SNAP91: variants seen among roughly 807,000 people sequenced by gnomAD.
SNAP91 encodes synaptosome associated protein 91.
Under a neutral mutation model 100.3 loss-of-function variants are expected in SNAP91, and 27 were observed. The ratio of observed to expected loss-of-function variants is 0.27; its 90% CI spans 0.20 to 0.37. SNAP91 has a LOEUF of 0.37. Ranked by LOEUF, SNAP91 falls within the 10% of genes least tolerant of loss-of-function variation. SNAP91 has a pLI of 1.00. For synonymous variants in SNAP91, 404 were observed against 398.6 expected (o/e 1.01, Z -0.16); for missense variants, 986 against 1,123.7 (o/e 0.88, Z 1.75).
chr6:83,580,391 C>T (rs1487465658), intron 24 of SNAP91, 59 bp downstream of exon 24: 1 of 1,499,008 alleles, frequency 6.7e-7, no homozygotes, highest in Non-Finnish European at 9.0e-7. Flanking sequence ...GAGAGAGAAA[C>T]AAAAAACAAT....
Position 83,553,062 on chromosome 6 carries a change from C to T in SNAP91, c.*1234G>A, listed in dbSNP as rs548783584. On this transcript the variant is annotated 3_prime_UTR_variant, in exon 30 of 30. Coordinates refer to ENST00000369694, the MANE Select transcript of SNAP91 (RefSeq NM_001242792.2). The stretch of plus-strand genomic sequence containing the variant: ...ACAACCACTTTTAAATGGTACCATA[C>T]ATCTATTAAATAATTTGAAAAATAG... 1 of 152,536 alleles carries T rather than the reference C, an allele frequency of 6.6e-6. No homozygotes were observed. The allele number at this position is 152,536 out of a possible 1,614,324, so 9.4% of individuals were successfully genotyped here. A position where few individuals can be genotyped will look rare whatever the true frequency, so the allele number is the denominator to read the frequency against.
At chr6:83,568,172 A>C (rs1281553067) in intron 26 of SNAP91, among the ~76,000 whole-genome samples, 3 of 152,242 alleles carry the variant, frequency 2.0e-5, no homozygotes, top group Admixed American at 1.3e-4. Context: ...GCCATAAAAA[A>C]GGATGAGTTC....
intron 10 of SNAP91, among the ~76,000 whole-genome samples, chr6:83,615,521 G>A (rs961923546): frequency 7.9e-5 from 12 of 152,032 alleles, no homozygotes; most frequent in Admixed American, 3.3e-4. Context: ...ACTGAACTAG[G>A]GCATCTCTTA....
At chr6:83,685,604 C>G (rs2099049680) in intron 2 of SNAP91, among the ~76,000 whole-genome samples, 1 of 152,170 alleles carries the variant, frequency 6.6e-6, no homozygotes. Flanking sequence ...TGACACCATA[C>G]TAAGTGGTAT....
intron 8 of SNAP91, among the ~76,000 whole-genome samples, chr6:83,631,271 T>A (rs567054255): frequency 1.3e-5 from 2 of 152,162 alleles, no homozygotes; most frequent in African/African-American, 2.4e-5. Flanking sequence ...ATATGGTCTA[T>A]CTTGAAGAAA....
At chr6:83,634,370 G>A (rs188875939) in intron 8 of SNAP91, among the ~76,000 whole-genome samples, 2 of 147,878 alleles carry the variant, frequency 1.4e-5, no homozygotes, top group Non-Finnish European at 2.9e-5. Flanking sequence ...CCCAGTGCGG[G>A]GTGTGTGTTC....
intron 24 of SNAP91, among the ~76,000 whole-genome samples, chr6:83,579,082 C>A (rs570209553): frequency 6.6e-6 from 1 of 152,106 alleles, no homozygotes; most frequent in Non-Finnish European, 1.5e-5. Context: ...TATTCTATAC[C>A]TTTGGTCTCT....
chr6:83,632,795 C>T (rs1031541337), intron 8 of SNAP91, among the ~76,000 whole-genome samples: 2 of 152,158 alleles, frequency 1.3e-5, no homozygotes, highest in Non-Finnish European at 2.9e-5. Context: ...CTTCTTGTAT[C>T]ATTTTTTGGA....
chr6:83,709,016 C>A lies in SNAP91; in HGVS notation c.-202G>T, dbSNP rs532851245. 0.01 allele frequency: 1,597 copies of A among 152,978 alleles called. 15 individuals carry two copies. The highest frequency in any genetic ancestry group is 0.016 in the Non-Finnish European group (1,085 of 68,720). The allele number at this position is 152,978 out of a possible 1,614,324, so 9.5% of individuals were successfully genotyped here. The stretch of plus-strand genomic sequence containing the variant: ...CTCCGCGGTCCCGGCGCCCACCGCC[C>A]CTGGCCCCTGGCCCCAGAAGCCAGT... On this transcript the variant is annotated 5_prime_UTR_variant, in exon 1 of 30. Transcript: ENST00000369694.
At chr6:83,672,412 T>C (rs2098800509) in intron 2 of SNAP91, among the ~76,000 whole-genome samples, 1 of 152,160 alleles carries the variant, frequency 6.6e-6, no homozygotes, top group Non-Finnish European at 1.5e-5. Context: ...TCCATTTTTT[T>C]TTTCACCTAG....
chr6:83,577,539 G>A lies in SNAP91; in HGVS notation c.2300-1486C>T, dbSNP rs1388017607. 4.6e-5 allele frequency among the ~76,000 whole-genome samples: 7 copies of A among 152,142 alleles called. No homozygotes were observed. In the South Asian group the frequency reaches 6.2e-4, roughly 14 times the overall value. Reference sequence around the variant, plus strand: ...TCCCTTGTCAAATTTCATGGCAGACGGGAATGAGTTACCTGAGGGCCTGGG... The same window carrying A: ...TCCCTTGTCAAATTTCATGGCAGACAGGAATGAGTTACCTGAGGGCCTGGG... On this transcript the variant is annotated intron_variant, in intron 24 of 29. Transcript: ENST00000369694.
chr6:83,671,790 T>G (rs1183295483), intron 2 of SNAP91, among the ~76,000 whole-genome samples: 1 of 152,114 alleles, frequency 6.6e-6, no homozygotes, highest in Admixed American at 6.6e-5. Context: ...AAATTTGTGG[T>G]CACCTACTTC....
intron 8 of SNAP91, among the ~76,000 whole-genome samples, chr6:83,629,718 T>C (rs921374508): frequency 2.6e-5 from 4 of 152,086 alleles, no homozygotes; most frequent in African/African-American, 9.7e-5. Context: ...TCCAGAAAAT[T>C]TGTTGCACTC....
chr6:83,653,797 T>C lies in SNAP91; in HGVS notation c.658+2957A>G, dbSNP rs538949113. ...AGTCCTGTGTTTAGGTCTCACTTTT[T>C]AGTGAGTCTATGCCTCTGGACTGTG... On this transcript the variant is annotated intron_variant, in intron 7 of 29. Coordinates refer to ENST00000369694, the MANE Select transcript of SNAP91 (RefSeq NM_001242792.2). 2.0e-3 allele frequency among the ~76,000 whole-genome samples: 311 copies of C among 152,170 alleles called. 2 individuals carry two copies. The highest frequency in any genetic ancestry group is 3.9e-3 in the Non-Finnish European group (262 of 68,028).
chr6:83,609,462 C>A (rs2095851295), intron 12 of SNAP91, among the ~76,000 whole-genome samples: 1 of 152,116 alleles, frequency 6.6e-6, no homozygotes, highest in South Asian at 2.1e-4. Context: ...CTGAGGGGAT[C>A]TTAGGCAGCC....
chr6:83,610,724 TATATATATATATATATATATATAA>T lies in SNAP91; in HGVS notation c.885-71_885-48del, dbSNP rs760641781. The T allele has an allele frequency of 8.7e-4, 164 of 188,250 alleles. 3 individuals carry two copies. The highest frequency in any genetic ancestry group is 3.8e-3 in the South Asian group (15 of 3,932). The allele number at this position is 188,250 out of a possible 1,614,324, so 11.7% of individuals were successfully genotyped here. A position where few individuals can be genotyped will look rare whatever the true frequency, so the allele number is the denominator to read the frequency against. On this transcript the variant is annotated intron_variant, in intron 11 of 29. Coordinates refer to ENST00000369694, the MANE Select transcript of SNAP91 (RefSeq NM_001242792.2). ...AATTAAAACTGAATATATATATATA[TATATATATATATATATATATATAA>T]ATATATATGTGAATATATTTGTAGA...
chr6:83,613,525 T>C (rs1023600112), intron 11 of SNAP91, among the ~76,000 whole-genome samples: 8 of 152,236 alleles, frequency 5.3e-5, no homozygotes, highest in South Asian at 2.1e-4. Context: ...AATGGGGCCA[T>C]AGCTTTCAAA....
intron 16 of SNAP91, among the ~76,000 whole-genome samples, chr6:83,598,591 T>C (rs1429530031): frequency 2.6e-5 from 4 of 152,166 alleles, no homozygotes; most frequent in Non-Finnish European, 4.4e-5. Context: ...ACATATTGCA[T>C]AGGACCTCAA....
chr6:83,600,388 A>C (rs2095043673), intron 16 of SNAP91, among the ~76,000 whole-genome samples: 1 of 152,204 alleles, frequency 6.6e-6, no homozygotes, highest in Admixed American at 6.5e-5. Context: ...TTCTTCCTCC[A>C]ATTTCTTTAC....
Sources: gnomAD v4.1 joint callset for allele counts (sites outside exome capture counted in the v4.1 genomes callset) on GRCh38, gnomAD v4.1.1 for gene constraint, MANE v1.5 for transcripts, NCBI Gene and HGNC (gene_info 2026-07-23, HGNC 2026-07-21) for gene names.